Variants in SSU72L2 observed in about 807,000 individuals in gnomAD.
SSU72L2 encodes RNA polymerase II subunit A C-terminal domain phosphatase SSU72 like protein 2.
At chr11:4,242,033 G>A in the SSU72L2 span, 1 of 610,244 alleles carries the variant, frequency 1.6e-6, no homozygotes, top group Non-Finnish European at 2.9e-6. Flanking sequence ...TACTGAGGAA[G>A]GGGACAAAGC....
the SSU72L2 span, among the ~76,000 whole-genome samples, chr11:4,241,745 G>T: frequency 6.7e-6 from 1 of 148,786 alleles, no homozygotes; most frequent in African/African-American, 2.5e-5. Context: ...TATCAGCTCG[G>T]TTTGCTCATC....
At chr11:4,241,835 A>T in the SSU72L2 span, among the ~76,000 whole-genome samples, 1 of 148,434 alleles carries the variant, frequency 6.7e-6, no homozygotes, top group Non-Finnish European at 1.5e-5. Context: ...TAATGCACCT[A>T]GCACAATGCC....
chr11:4,241,745 G>A, the SSU72L2 span, among the ~76,000 whole-genome samples: 1 of 148,788 alleles, frequency 6.7e-6, no homozygotes, highest in East Asian at 2.0e-4. Flanking sequence ...TATCAGCTCG[G>A]TTTGCTCATC....
chr11:4,241,724 A>T, the SSU72L2 span, among the ~76,000 whole-genome samples: 1 of 139,888 alleles, frequency 7.1e-6, no homozygotes, highest in African/African-American at 2.7e-5. Flanking sequence ...ATCATTTTTC[A>T]AGCAGTCCAT....
chr11:4,241,847 A>G, the SSU72L2 span, among the ~76,000 whole-genome samples: 30 of 148,124 alleles, frequency 2.0e-4, no homozygotes, highest in African/African-American at 7.3e-4. Context: ...CACAATGCCA[A>G]CCATTTTTCA....
the SSU72L2 span, chr11:4,242,683 T>A: frequency 3.5e-6 from 2 of 576,882 alleles, no homozygotes; most frequent in Non-Finnish European, 6.2e-6. Flanking sequence ...GCACCTCAGC[T>A]GCTGCAGGGT....
chr11:4,241,667 G>T, the SSU72L2 span, among the ~76,000 whole-genome samples: 15 of 145,312 alleles, frequency 1.0e-4, no homozygotes, highest in Non-Finnish European at 1.7e-4. Context: ...TATTTAAAAG[G>T]TGCTTATCTA....
At chr11:4,242,503 T>A in the SSU72L2 span, 2 of 775,058 alleles carry the variant, frequency 2.6e-6, no homozygotes, top group Non-Finnish European at 4.8e-6. Flanking sequence ...TGGGTCTTGG[T>A]CCTGGTAGCC....
At chr11:4,241,995 C>A in the SSU72L2 span, 1 of 606,088 alleles carries the variant, frequency 1.6e-6, no homozygotes, top group Non-Finnish European at 2.9e-6. Flanking sequence ...CACAATAAAT[C>A]CGGACTAAAG....
the SSU72L2 span, chr11:4,242,335 A>C: frequency 1.3e-6 from 1 of 752,334 alleles, no homozygotes; most frequent in East Asian, 2.4e-5. Flanking sequence ...CAAAGAAATC[A>C]GTGCACTCCT....
At chr11:4,242,685 C>T in the SSU72L2 span, 7 of 575,508 alleles carry the variant, frequency 1.2e-5, no homozygotes, top group East Asian at 8.6e-5. Flanking sequence ...ACCTCAGCTG[C>T]TGCAGGGTCT....
the SSU72L2 span, among the ~76,000 whole-genome samples, chr11:4,241,771 T>C: frequency 4.0e-5 from 6 of 149,212 alleles, no homozygotes; most frequent in African/African-American, 1.5e-4. Context: ...AATGGCGTCA[T>C]GGTGGGCTAG....
the SSU72L2 span, chr11:4,242,667 A>G: frequency 3.5e-6 from 2 of 579,416 alleles, no homozygotes; most frequent in South Asian, 4.7e-5. Context: ...AACCAGAGAG[A>G]CACAGGCACC....
At chr11:4,241,861 C>G in the SSU72L2 span, among the ~76,000 whole-genome samples, 1 of 148,658 alleles carries the variant, frequency 6.7e-6, no homozygotes, top group Non-Finnish European at 1.5e-5. Flanking sequence ...TTTTTCAGTG[C>G]TTTTAAAAAT....
At chr11:4,241,703 C>G in the SSU72L2 span, among the ~76,000 whole-genome samples, 1 of 146,702 alleles carries the variant, frequency 6.8e-6, no homozygotes, top group African/African-American at 2.5e-5. Context: ...CTGCTGAATA[C>G]CCTTAAACAA....
chr11:4,242,620 C>T, the SSU72L2 span: 3 of 662,388 alleles, frequency 4.5e-6, no homozygotes, highest in South Asian at 5.8e-5. Context: ...CCACAGCCAC[C>T]CTGAGTGTGG....
the SSU72L2 span, chr11:4,241,972 T>C: frequency 1.0e-5 from 6 of 601,150 alleles, no homozygotes; most frequent in East Asian, 1.7e-4. Context: ...GGAAGGTCTT[T>C]GTAGATGCTT....
the SSU72L2 span, chr11:4,242,084 C>T: frequency 4.9e-6 from 3 of 607,492 alleles, no homozygotes. Flanking sequence ...GTGAAGAAAG[C>T]TTTTTCCTGC....
the SSU72L2 span, chr11:4,242,639 A>C: frequency 1.6e-6 from 1 of 612,126 alleles, no homozygotes; most frequent in Non-Finnish European, 2.9e-6. Flanking sequence ...GGAGGAGAGC[A>C]TGATGGCGGC....
Sources: gnomAD v4.1 joint callset for allele counts (sites outside exome capture counted in the v4.1 genomes callset) on GRCh38, gnomAD v4.1.1 for gene constraint, MANE v1.5 for transcripts, NCBI Gene and HGNC (gene_info 2026-07-23, HGNC 2026-07-21) for gene names.